CFAP299: variants seen among roughly 807,000 people sequenced by gnomAD.
The protein encoded by CFAP299 is cilia and flagella associated protein 299.
A neutral mutation model predicts 27.0 loss-of-function variants in CFAP299; 21 were observed. The ratio of observed to expected loss-of-function variants is 0.78; its 90% CI spans 0.55 to 1.12. The LOEUF is 1.12. Among genes scored for constraint, CFAP299 ranks in the 50% most tolerant of loss-of-function variants. CFAP299 has a pLI of 0.00. For missense variants in CFAP299, 310 were observed against 276.6 expected (o/e 1.12, Z -0.86); for synonymous variants, 104 against 98.1 (o/e 1.06, Z -0.36).
At chr4:80,765,829 G>A (rs1264049207) in intron 3 of CFAP299, among the ~76,000 whole-genome samples, 3 of 151,928 alleles carry the variant, frequency 2.0e-5, no homozygotes, top group Non-Finnish European at 4.4e-5. Flanking sequence ...AAACTAAAAA[G>A]ATAAATTACG....
intron 2 of CFAP299, among the ~76,000 whole-genome samples, chr4:80,383,872 C>G (rs1368274037): frequency 6.6e-6 from 1 of 151,482 alleles, no homozygotes; most frequent in East Asian, 1.9e-4. Flanking sequence ...TGTTATCTTT[C>G]CCTCATTAGA....
intron 3 of CFAP299, among the ~76,000 whole-genome samples, chr4:80,590,892 A>G (rs1199154750): frequency 6.6e-6 from 1 of 152,068 alleles, no homozygotes; most frequent in Non-Finnish European, 1.5e-5. Flanking sequence ...AGGCTTTTAC[A>G]TAATGCTTTG....
rs1319848201 is a variant in CFAP299 at position 80,799,996 on chromosome 4, T to C, written c.334-69997T>C. Among the ~76,000 whole-genome samples, 39 of 58,300 alleles carry C rather than the reference T, an allele frequency of 6.7e-4. 1 individual carries two copies. The highest frequency in any genetic ancestry group is 2.7e-3 in the African/African-American group (36 of 13,482). The allele number at this position is 58,300 out of a possible 152,430, so 38.2% of individuals were successfully genotyped here. On this transcript the variant is annotated intron_variant, in intron 3 of 5. Coordinates refer to ENST00000358105, the MANE Select transcript of CFAP299 (RefSeq NM_152770.3). ...TATAATATAATATATGTAATATATA[T>C]TATGATATATAATAAGTAATATATA...
At chr4:80,924,213 T>C (rs973913185) in intron 4 of CFAP299, among the ~76,000 whole-genome samples, 33 of 152,036 alleles carry the variant, frequency 2.2e-4, no homozygotes, top group Admixed American at 2.2e-3. Flanking sequence ...TGTGAAACTT[T>C]TGTTCACATT....
At chr4:80,793,377 C>T (rs1410817882) in intron 3 of CFAP299, among the ~76,000 whole-genome samples, 1 of 151,960 alleles carries the variant, frequency 6.6e-6, no homozygotes, top group East Asian at 1.9e-4. Flanking sequence ...TGGTGCCCAC[C>T]CAGATTAATG....
At chr4:80,660,242 T>G (rs1740773636) in intron 3 of CFAP299, among the ~76,000 whole-genome samples, 1 of 152,120 alleles carries the variant, frequency 6.6e-6, no homozygotes, top group South Asian at 2.1e-4. Flanking sequence ...AGGACCTGGT[T>G]TCTCCAACAA....
At chr4:80,381,438 C>T (rs868668075) in intron 2 of CFAP299, among the ~76,000 whole-genome samples, 470 of 1,172 alleles carry the variant, frequency 0.4, 157 homozygotes, top group Non-Finnish European at 0.5. Flanking sequence ...CGGAGTCTCG[C>T]TCTGTCGCCC....
At position 80,608,292 on chromosome 4, in the gene CFAP299, G is replaced by C. The variant is rs139288130; in HGVS notation, c.333+25109G>C. The C allele has an allele frequency of 5.0e-4, 673 of 1,343,510 alleles. 9 individuals are homozygous for C. In the East Asian group the frequency reaches 0.012, roughly 25 times the overall value. 83.2% of individuals were successfully genotyped at this position (1,343,510 alleles called of 1,614,324 possible). The stretch of plus-strand genomic sequence containing the variant: ...TAGATAGGAGATTTGTTAACATGTG[G>C]AATACACCTCAGTTGGATTTCCCCT... On this transcript the variant is annotated intron_variant, in intron 3 of 5. Coordinates refer to ENST00000358105, the MANE Select transcript of CFAP299 (RefSeq NM_152770.3).
chr4:80,813,965 T>G (rs1729292392), intron 3 of CFAP299, among the ~76,000 whole-genome samples: 1 of 152,050 alleles, frequency 6.6e-6, no homozygotes, highest in South Asian at 2.1e-4. Context: ...ATGTCTGAGT[T>G]TTTTCTTTTC....
intron 3 of CFAP299, among the ~76,000 whole-genome samples, chr4:80,770,942 G>T (rs1220551642): frequency 6.6e-6 from 1 of 152,086 alleles, no homozygotes; most frequent in Non-Finnish European, 1.5e-5. Flanking sequence ...TTTCTTAAGG[G>T]TTCAGCTAGT....
chr4:80,959,899 A>G (rs1484859146), intron 5 of CFAP299, among the ~76,000 whole-genome samples: 2 of 151,968 alleles, frequency 1.3e-5, no homozygotes, highest in Non-Finnish European at 2.9e-5. Flanking sequence ...TGAGTTAACA[A>G]TAAGTACATA....
At chr4:80,709,219 CAT>C (rs1314304551) in intron 3 of CFAP299, among the ~76,000 whole-genome samples, 2 of 152,170 alleles carry the variant, frequency 1.3e-5, no homozygotes, top group South Asian at 2.1e-4. Context: ...TATTCACCCA[CAT>C]GTTTTACCTT....
chr4:80,870,007 T>G lies in CFAP299; in HGVS notation c.348T>G (p.Ile116Met). ...TGTGCTACCAGTCCGTGATCTTTAT[T>G]CGTGACAGAAATTCTCATGGGCAAG... Reference protein sequence around the residue: ...RSGKLSSVIFIRDRNSHGQEI... With the variant: ...RSGKLSSVIFMRDRNSHGQEI... The change falls in exon 4 of 6, where the codon ATT (isoleucine) becomes ATG (methionine). Residue 116 changes from isoleucine (I) to methionine (M), a missense_variant. Transcript: ENST00000358105. 1 of 1,611,280 alleles carries G rather than the reference T, an allele frequency of 6.2e-7. No homozygotes were observed.
intron 2 of CFAP299, among the ~76,000 whole-genome samples, chr4:80,508,234 C>T (rs1419099048): frequency 6.6e-6 from 1 of 152,132 alleles, no homozygotes; most frequent in Non-Finnish European, 1.5e-5. Flanking sequence ...GACCACTCTG[C>T]AATAAATTGC....
At chr4:80,872,889 A>C in intron 4 of CFAP299, 3 of 963,758 alleles carry the variant, frequency 3.1e-6, no homozygotes, top group Non-Finnish European at 3.7e-6. Flanking sequence ...TGTGTATTTC[A>C]AAATATCATC....
chr4:80,891,631 G>A (rs1390694819), intron 4 of CFAP299, among the ~76,000 whole-genome samples: 2 of 78,890 alleles, frequency 2.5e-5, no homozygotes, highest in African/African-American at 5.2e-5. Context: ...CGGGGGAGGG[G>A]GGAGGGATAG....
chr4:80,764,164 C>T (rs1012066623), intron 3 of CFAP299, among the ~76,000 whole-genome samples: 1 of 151,728 alleles, frequency 6.6e-6, no homozygotes, highest in African/African-American at 2.4e-5. Flanking sequence ...AGTGAACAGG[C>T]AACCTACAGA....
intron 3 of CFAP299, among the ~76,000 whole-genome samples, chr4:80,861,133 C>G (rs1008693893): frequency 6.6e-6 from 1 of 152,230 alleles, no homozygotes; most frequent in Non-Finnish European, 1.5e-5. Flanking sequence ...CCTCCCCCAG[C>G]CTCGCTGCCA....
intron 3 of CFAP299, among the ~76,000 whole-genome samples, chr4:80,808,420 T>A (rs1728974302): frequency 1.3e-5 from 2 of 152,134 alleles, no homozygotes; most frequent in South Asian, 4.1e-4. Context: ...GATCTGTATA[T>A]TATTTCTCTA....
Sources: allele counts gnomAD v4.1 joint callset (sites outside exome capture counted in the v4.1 genomes callset), GRCh38; gene constraint gnomAD v4.1.1; transcripts MANE v1.5; gene names NCBI Gene and HGNC (gene_info 2026-07-23, HGNC 2026-07-21).